KCTD18: variants seen among roughly 807,000 people sequenced by gnomAD.
KCTD18 encodes the protein BTB/POZ domain-containing protein KCTD18.
A neutral mutation model predicts 30.4 loss-of-function variants in KCTD18; 22 were observed. The observed-to-expected ratio is 0.72, with a 90% CI of 0.52 to 1.03. The LOEUF is 1.03. Ranked by LOEUF, KCTD18 falls within the 50% of genes least tolerant of loss-of-function variation. The pLI is 0.00. For missense variants in KCTD18, 529 were observed against 547.6 expected (o/e 0.97, Z 0.34); for synonymous variants, 186 against 209.0 (o/e 0.89, Z 0.95).
intron 5 of KCTD18, chr2:200,496,200 G>C (rs1443522811): frequency 6.5e-6 from 1 of 152,908 alleles, no homozygotes; most frequent in Non-Finnish European, 1.5e-5. Flanking sequence ...ACAAGTGTGA[G>C]TCACCGTGCC....
At chr2:200,493,085 AATT>A (rs1238986085) in intron 6 of KCTD18, 84 bp downstream of exon 6, 6 of 759,590 alleles carry the variant, frequency 7.9e-6, no homozygotes, top group South Asian at 1.5e-5. Flanking sequence ...TAAGGTCAAG[AATT>A]ATTATTCATT....
In KCTD18 at chr2:200,489,769, G is replaced by A. The variant is rs1488266683; in HGVS notation, c.*331C>T. 4.1e-6 allele frequency: 1 copy of A among 244,062 alleles called. No homozygotes were observed. 15.1% of individuals were successfully genotyped at this position (244,062 alleles called of 1,614,324 possible). Reference sequence around the variant, plus strand: ...CCATCCTCGGGTTGCAACAAGTAACGTTTACTTCAGCAACAAAGTGGACCT... The same window carrying A: ...CCATCCTCGGGTTGCAACAAGTAACATTTACTTCAGCAACAAAGTGGACCT... On this transcript the variant is annotated 3_prime_UTR_variant, in exon 7 of 7. Transcript: ENST00000359878.
chr2:200,497,476 CAG>C, intron 5 of KCTD18: 1 of 289,204 alleles, frequency 3.5e-6, no homozygotes. Context: ...TTCCAATGCA[CAG>C]TAGGTACTAA....
At chr2:200,495,627 A>G (rs997293473) in intron 5 of KCTD18, among the ~76,000 whole-genome samples, 1 of 152,148 alleles carries the variant, frequency 6.6e-6, no homozygotes, top group Non-Finnish European at 1.5e-5. Context: ...TATTAAATGT[A>G]TATTTCATTG....
At chr2:200,499,312 A>T (rs1391134265) in intron 3 of KCTD18, among the ~76,000 whole-genome samples, 1 of 152,110 alleles carries the variant, frequency 6.6e-6, no homozygotes, top group Non-Finnish European at 1.5e-5. Flanking sequence ...CAAAACCCCA[A>T]CACCTTTTCA....
In KCTD18 at chr2:200,507,079, T is replaced by C. The variant is rs986613570; in HGVS notation, c.-63A>G. On this transcript the variant is annotated 5_prime_UTR_variant, in exon 2 of 7. Coordinates refer to ENST00000359878, the MANE Select transcript of KCTD18 (RefSeq NM_152387.4). ...TTTCAGAAACTTCAAAACAATGATG[T>C]CTTGGTCTCCCTCTGTAAAACAAAG... 124 of 1,387,130 alleles carry C rather than the reference T, an allele frequency of 8.9e-5. No homozygotes were observed. The highest frequency in any genetic ancestry group is 7.7e-4 in the Admixed American group (37 of 47,744). 85.9% of individuals were successfully genotyped at this position (1,387,130 alleles called of 1,614,324 possible).
At chr2:200,490,704 G>T in intron 6 of KCTD18, 88 bp from the exon 7 acceptor site, 1 of 1,412,588 alleles carries the variant, frequency 7.1e-7, no homozygotes, top group Non-Finnish European at 9.5e-7. Flanking sequence ...AGCATTAACA[G>T]AAAGGTTTTG....
intron 1 of KCTD18, 105 bp from the exon 2 acceptor site, chr2:200,507,196 G>A: frequency 4.6e-6 from 2 of 433,430 alleles, no homozygotes; most frequent in Non-Finnish European, 8.0e-6. Flanking sequence ...CTCAGTACTG[G>A]CATTATTGAA....
chr2:200,494,026 ATC>A (rs1377703819), intron 5 of KCTD18, among the ~76,000 whole-genome samples: 2 of 152,238 alleles, frequency 1.3e-5, no homozygotes, highest in African/African-American at 4.8e-5. Context: ...TAATTTTTAA[ATC>A]TGTTATGTTT....
rs1305403397 is a variant in KCTD18 at position 200,493,281 on chromosome 2, G to A, written c.662-7C>T. On this transcript the variant is annotated splice_region_variant and splice_polypyrimidine_tract_variant and intron_variant, in intron 5 of 6. Coordinates refer to ENST00000359878, the MANE Select transcript of KCTD18 (RefSeq NM_152387.4). ...ACCCGCCAGTAGCTAACACCTGGAAGGTAAAAAGACATAATTAAGACAGCT... is the reference window on the plus strand; with the variant it reads ...ACCCGCCAGTAGCTAACACCTGGAAAGTAAAAAGACATAATTAAGACAGCT... 2.6e-6 allele frequency: 4 copies of A among 1,527,906 alleles called. No homozygotes were observed. In the East Asian group the frequency reaches 6.7e-5, roughly 26 times the overall value. The allele number at this position is 1,527,906 out of a possible 1,614,324, so 94.6% of individuals were successfully genotyped here.
chr2:200,507,009 C>T lies in KCTD18; in HGVS notation c.8G>A (p.Gly3Asp), dbSNP rs775227512. 2 of 1,600,894 alleles carry T rather than the reference C, an allele frequency of 1.2e-6. No homozygotes were observed. Among genetic ancestry groups the T allele is most frequent in the South Asian group, 1.1e-5 (1 of 89,926 alleles). Residue 3 changes from glycine to aspartate, a missense_variant, in exon 2 of 7, where the codon GGC (glycine) becomes GAC (aspartate). Physicochemically the swap from Gly to Asp is moderately conservative, Grantham distance 94. Transcript: ENST00000359878. ...TAGCACCTCTTCTTCTGCCTTGTGG[C>T]CTTCCATTTCTCCCCCAGGCACCTG... MEGHKAEEEVLDV... is the reference protein window; with the variant it reads MEDHKAEEEVLDV...
chr2:200,498,915 A>C lies in KCTD18; in HGVS notation c.542T>G (p.Ile181Ser), dbSNP rs771427289. ...DAIEKQLGGR[I>S]HSKGIFKREA... ...CCTTTTAAAAATGCCTTTGCTGTGA[A>C]TTCTTCCTCCCAGCTGCTTTTCAAT... The change falls in exon 4 of 7, where the codon ATT becomes AGT. Residue 181 changes from isoleucine to serine, a missense_variant. Physicochemically the swap from Ile to Ser is moderately radical, Grantham distance 142. Transcript: ENST00000359878. 1 of 1,613,762 alleles carries C rather than the reference A, an allele frequency of 6.2e-7. No individual in the cohort carries two copies.
chr2:200,509,296 A>G (rs754916362), intron 1 of KCTD18, among the ~76,000 whole-genome samples: 1 of 152,000 alleles, frequency 6.6e-6, no homozygotes, highest in Non-Finnish European at 1.5e-5. Flanking sequence ...ACGAACCCCA[A>G]GTTCTTCCTG....
intron 5 of KCTD18, among the ~76,000 whole-genome samples, chr2:200,495,320 G>A (rs2087983529): frequency 6.6e-6 from 1 of 152,152 alleles, no homozygotes; most frequent in African/African-American, 2.4e-5. Flanking sequence ...ATTCCATTCT[G>A]TGGATGTGCC....
intron 1 of KCTD18, 46 bp from the exon 2 acceptor site, chr2:200,507,137 T>C (rs1322990450): frequency 1.2e-5 from 8 of 644,604 alleles, no homozygotes; most frequent in East Asian, 2.8e-5. Context: ...AACAAGACAC[T>C]AAATAGATAA....
intron 3 of KCTD18, among the ~76,000 whole-genome samples, chr2:200,501,851 G>A (rs541605861): frequency 7.8e-4 from 118 of 150,556 alleles, no homozygotes; most frequent in African/African-American, 2.7e-3. Flanking sequence ...TGTTTATTGC[G>A]GCATTATTCA....
intron 3 of KCTD18, among the ~76,000 whole-genome samples, chr2:200,499,679 C>G: frequency 6.6e-6 from 1 of 151,630 alleles, no homozygotes; most frequent in East Asian, 1.9e-4. Context: ...GATGGATTCA[C>G]AGCCGAATTC....
intron 6 of KCTD18, among the ~76,000 whole-genome samples, chr2:200,492,271 A>G (rs2087931086): frequency 6.6e-6 from 1 of 152,154 alleles, no homozygotes; most frequent in South Asian, 2.1e-4. Context: ...TCTACCTTCT[A>G]AATGCCAGTA....
chr2:200,501,900 A>G lies in KCTD18; in HGVS notation c.373-2816T>C, dbSNP rs572313307. 2.6e-5 allele frequency among the ~76,000 whole-genome samples: 4 copies of G among 151,168 alleles called. No individual in the cohort carries two copies. The South Asian group carries it at 8.4e-4, about 32-fold the overall frequency. On this transcript the variant is annotated intron_variant, in intron 3 of 6. Transcript: ENST00000359878. ...TTGGAACCAACCCAAATGTCCAACA[A>G]TGATAGACTGGATTAAGAAAATGTG...
Sources: allele counts gnomAD v4.1 joint callset (sites outside exome capture counted in the v4.1 genomes callset), GRCh38; gene constraint gnomAD v4.1.1; transcripts MANE v1.5; gene names NCBI Gene and HGNC (gene_info 2026-07-23, HGNC 2026-07-21).